Variants in GPR89B observed in about 807,000 individuals in gnomAD.
The protein encoded by GPR89B is golgi pH regulator B, also known as G protein-coupled receptor 89B.
GPR89B carries 25 observed loss-of-function variants against 52.4 expected under a neutral mutation model. The ratio of observed to expected loss-of-function variants is 0.48; its 90% CI spans 0.35 to 0.67. The LOEUF is 0.67. Ranked by LOEUF, GPR89B falls within the 30% of genes least tolerant of loss-of-function variation. GPR89B has a pLI of 0.01. For synonymous variants in GPR89B, 52 were observed against 151.2 expected (o/e 0.34, Z 4.81); for missense variants, 146 against 450.2 (o/e 0.32, Z 6.11).
intron 7 of GPR89B, among the ~76,000 whole-genome samples, chr1:147,960,490 C>T (rs1299927919): frequency 2.9e-4 from 44 of 152,072 alleles, no homozygotes; most frequent in Non-Finnish European, 5.9e-5. Context: ...CTGAAAACTA[C>T]AGTAACGGAA....
chr1:147,958,035 G>T (rs1656252757), intron 7 of GPR89B, among the ~76,000 whole-genome samples: 1 of 151,220 alleles, frequency 6.6e-6, no homozygotes, highest in Non-Finnish European at 1.5e-5. Context: ...CTGCACTCCA[G>T]CCTGGGTGAT....
chr1:147,994,294 G>A, downstream of GPR89B: 3 of 1,532,256 alleles, frequency 2.0e-6, no homozygotes, highest in Non-Finnish European at 2.7e-6. Context: ...GCTATTACTT[G>A]TTTTCATCAC....
intron 5 of GPR89B, among the ~76,000 whole-genome samples, chr1:147,947,863 G>C (rs1553250076): frequency 6.6e-6 from 1 of 151,772 alleles, no homozygotes; most frequent in Non-Finnish European, 1.5e-5. Flanking sequence ...TTGTAAAGGG[G>C]TTGCAAATTC....
the GPR89B span, among the ~76,000 whole-genome samples, chr1:148,020,553 T>C: frequency 2.7e-5 from 4 of 150,762 alleles, no homozygotes; most frequent in African/African-American, 9.9e-5. Context: ...CAGCGTCCTG[T>C]CTTTGTGCCC....
At chr1:147,978,802 C>G (rs1408120374) in intron 10 of GPR89B, among the ~76,000 whole-genome samples, 1 of 151,856 alleles carries the variant, frequency 6.6e-6, no homozygotes, top group Non-Finnish European at 1.5e-5. Flanking sequence ...CCTCCTGGTC[C>G]AAACCACCTA....
At chr1:148,004,867 T>C in the GPR89B span, among the ~76,000 whole-genome samples, 1 of 77,150 alleles carries the variant, frequency 1.3e-5, no homozygotes, top group South Asian at 5.9e-4. Context: ...GCCAACATAG[T>C]GAGACCCTAT....
chr1:148,016,774 T>C, the GPR89B span, among the ~76,000 whole-genome samples: 3 of 151,428 alleles, frequency 2.0e-5, no homozygotes, highest in Admixed American at 1.3e-4. Flanking sequence ...TCCTCCCCGC[T>C]CCTTTTCAGG....
At chr1:148,020,621 G>C in the GPR89B span, among the ~76,000 whole-genome samples, 47 of 151,854 alleles carry the variant, frequency 3.1e-4, no homozygotes, top group Non-Finnish European at 5.6e-4. Flanking sequence ...AGGAGGGGAA[G>C]GGGGGAACTA....
At chr1:147,950,988 C>A (rs1195855327) in intron 5 of GPR89B, among the ~76,000 whole-genome samples, 5 of 151,506 alleles carry the variant, frequency 3.3e-5, no homozygotes, top group Non-Finnish European at 7.4e-5. Flanking sequence ...AGAGGGAGAG[C>A]GATAAAATAA....
chr1:148,004,922 CACAT>C, the GPR89B span, among the ~76,000 whole-genome samples: 151 of 123,662 alleles, frequency 1.2e-3, 3 homozygotes, highest in African/African-American at 3.9e-3. Context: ...CACACACACA[CACAT>C]AAAAATTAGC....
At chr1:147,943,783 A>C (rs1654744785) in intron 4 of GPR89B, among the ~76,000 whole-genome samples, 2 of 152,144 alleles carry the variant, frequency 1.3e-5, no homozygotes, top group Admixed American at 6.5e-5. Context: ...CTACCTATTA[A>C]TAATGTCTCC....
intron 5 of GPR89B, among the ~76,000 whole-genome samples, chr1:147,949,807 C>T (rs587609706): frequency 4.1e-5 from 6 of 145,744 alleles, no homozygotes; most frequent in Admixed American, 2.0e-4. Context: ...GCTGACCCCC[C>T]GACCTCCCTC....
At chr1:148,015,471 C>A in the GPR89B span, among the ~76,000 whole-genome samples, 2 of 146,448 alleles carry the variant, frequency 1.4e-5, no homozygotes, top group African/African-American at 2.6e-5. Flanking sequence ...CGCGCCACCA[C>A]GCCCAGCTAA....
chr1:147,975,716 T>A (rs1202488826), intron 10 of GPR89B, among the ~76,000 whole-genome samples: 1 of 152,210 alleles, frequency 6.6e-6, no homozygotes, highest in East Asian at 1.9e-4. Context: ...GTTTGTTTGC[T>A]CTTGGTTCTC....
chr1:147,968,686 G>C, intron 8 of GPR89B, 189 bp from the exon 9 acceptor site: 1 of 713,928 alleles, frequency 1.4e-6, no homozygotes, highest in Non-Finnish European at 2.4e-6. Context: ...TGATGGAGAA[G>C]CTTTTACACA....
intron 10 of GPR89B, among the ~76,000 whole-genome samples, chr1:147,977,107 G>A (rs1313650154): frequency 1.3e-4 from 19 of 151,160 alleles, no homozygotes; most frequent in Non-Finnish European, 2.7e-4. Flanking sequence ...GGTGGCAGGC[G>A]CCTATAGTCC....
intron 5 of GPR89B, among the ~76,000 whole-genome samples, chr1:147,948,804 A>G (rs1380791399): frequency 4.2e-5 from 6 of 144,346 alleles, no homozygotes; most frequent in African/African-American, 1.0e-4. Flanking sequence ...GGTGTTTCTC[A>G]CAGAGGGGGA....
chr1:147,988,468 G>T lies in GPR89B; in HGVS notation c.1042G>T (p.Val348Phe). 6.8e-7 allele frequency: 1 copy of T among 1,462,904 alleles called. No individual in the cohort carries two copies. 90.6% of individuals were successfully genotyped at this position (1,462,904 alleles called of 1,614,324 possible). The change falls in exon 12 of 14, where the codon GTT becomes TTT. Residue 348 changes from valine to phenylalanine, a missense_variant. Val to Phe is a conservative substitution (Grantham distance 50). Transcript: ENST00000314163. ...FWSQHISFIL[V>F]GIIIVTSIRG... ...GTCCCAACACATTTCCTTCATTCTT[G>T]TTGGAATAATCATCGTCACATCCAT...
chr1:148,016,001 T>A, the GPR89B span, among the ~76,000 whole-genome samples: 1 of 151,464 alleles, frequency 6.6e-6, no homozygotes, highest in Non-Finnish European at 1.5e-5. Flanking sequence ...GGCCTTGAAG[T>A]TATTGCTGAC....
Sources: gnomAD v4.1 joint callset for allele counts (sites outside exome capture counted in the v4.1 genomes callset) on GRCh38, gnomAD v4.1.1 for gene constraint, MANE v1.5 for transcripts, NCBI Gene and HGNC (gene_info 2026-07-23, HGNC 2026-07-21) for gene names.